Variants in SLC25A20 observed in about 807,000 individuals in gnomAD.
The protein encoded by SLC25A20 is mitochondrial carnitine/acylcarnitine carrier protein.
SLC25A20 carries 29 observed loss-of-function variants against 39.7 expected under a neutral mutation model. That is an observed-to-expected ratio of 0.73 (90% confidence interval 0.54 to 1.00). The LOEUF is 1.00. Among genes scored for constraint, SLC25A20 ranks in the 50% least tolerant of loss-of-function variants. SLC25A20 has a pLI of 0.00. For missense variants in SLC25A20, 333 were observed against 379.9 expected, an observed-to-expected ratio of 0.88 and a Z score of 1.03; for synonymous variants, 103 against 142.2, an observed-to-expected ratio of 0.72 and a Z score of 1.96.
At chr3:48,876,471 G>A (rs1413176762) in intron 4 of SLC25A20, among the ~76,000 whole-genome samples, 4 of 150,052 alleles carry the variant, frequency 2.7e-5, no homozygotes, top group Admixed American at 1.3e-4. Flanking sequence ...TGTTGCTCAG[G>A]CTGGAGTGCA....
chr3:48,892,059 G>T lies in SLC25A20; in HGVS notation c.119C>A (p.Thr40Lys), dbSNP rs1330560403. 2 of 1,613,986 alleles carry T rather than the reference G, an allele frequency of 1.2e-6. No homozygotes were observed. Among genetic ancestry groups the T allele is most frequent in the Non-Finnish European group, 1.7e-6 (2 of 1,179,904 alleles). Reference protein sequence around the residue: ...PLDTVKVRLQTQPPSLPGQPP... With the variant: ...PLDTVKVRLQKQPPSLPGQPP... The stretch of plus-strand genomic sequence containing the variant: ...TTGTCCAGGCAAACTCGGTGGCTGT[G>T]TCTGCAGTCGGACCTGAAAACAGAA... The change falls in exon 2 of 9, where the codon ACA becomes AAA. Residue 40 changes from threonine (T) to lysine (K), a missense_variant. By Grantham distance (78) the Thr-to-Lys change is moderately conservative. Transcript: ENST00000319017.
At position 48,892,188 on chromosome 3, in the gene SLC25A20, TG is replaced by T; in HGVS notation, c.106-117del. 4 of 785,634 alleles carry T rather than the reference TG, an allele frequency of 5.1e-6. No homozygotes were observed. The South Asian group carries it at 5.6e-5, about 11-fold the overall frequency. The allele number at this position is 785,634 out of a possible 1,614,324, so 48.7% of individuals were successfully genotyped here. A position where few individuals can be genotyped will look rare whatever the true frequency, so the allele number is the denominator to read the frequency against. On this transcript the variant is annotated intron_variant, in intron 1 of 8. Transcript: ENST00000319017. The stretch of plus-strand genomic sequence containing the variant: ...AAGGCTGTACCCTTGTACATGTCTT[TG>T]GCATTCACTTAACCTGCTGGATTCA...
intron 1 of SLC25A20, among the ~76,000 whole-genome samples, chr3:48,893,567 T>A (rs2083892328): frequency 6.6e-6 from 1 of 151,912 alleles, no homozygotes; most frequent in Admixed American, 6.6e-5. Context: ...AGGGTCTCAC[T>A]GTCTCGCCCA....
Position 48,890,621 on chromosome 3 carries a change from T to A in SLC25A20, c.198+1359A>T, listed in dbSNP as rs558089418. Among the ~76,000 whole-genome samples, 417 of 151,006 alleles carry A rather than the reference T, an allele frequency of 2.8e-3. 3 individuals are homozygous for A. The highest frequency in any genetic ancestry group is 9.6e-3 in the African/African-American group (395 of 41,198). On this transcript the variant is annotated intron_variant, in intron 2 of 8. Coordinates refer to ENST00000319017, the MANE Select transcript of SLC25A20 (RefSeq NM_000387.6). ...TGCCTGACCTTATCAATCACTTGGATAACTCACCCTCCTTACCCTGCCCCC... is the reference window on the plus strand; with the variant it reads ...TGCCTGACCTTATCAATCACTTGGAAAACTCACCCTCCTTACCCTGCCCCC...
At chr3:48,896,418 A>G (rs2106670188) in intron 1 of SLC25A20, among the ~76,000 whole-genome samples, 1 of 152,168 alleles carries the variant, frequency 6.6e-6, no homozygotes. Context: ...TTCATACCTC[A>G]TACCTGTCTC....
intron 1 of SLC25A20, among the ~76,000 whole-genome samples, chr3:48,894,030 A>C (rs1211381757): frequency 6.7e-6 from 1 of 149,894 alleles, no homozygotes; most frequent in Non-Finnish European, 1.5e-5. Context: ...GTGTGGTGGC[A>C]CGCACCTGTA....
chr3:48,885,750 C>T (rs918008300), intron 2 of SLC25A20, among the ~76,000 whole-genome samples: 1 of 151,938 alleles, frequency 6.6e-6, no homozygotes, highest in Non-Finnish European at 1.5e-5. Flanking sequence ...TGCAGTGAGC[C>T]GAGATTGTGC....
At chr3:48,897,900 G>T (rs1007880608) in intron 1 of SLC25A20, among the ~76,000 whole-genome samples, 1 of 152,190 alleles carries the variant, frequency 6.6e-6, no homozygotes, top group Non-Finnish European at 1.5e-5. Context: ...TAAGCCATGG[G>T]GGATGGACTT....
In SLC25A20 at chr3:48,877,170, T is replaced by A. The variant is rs565885019; in HGVS notation, c.417+2188A>T. On this transcript the variant is annotated intron_variant, in intron 4 of 8. Coordinates refer to ENST00000319017, the MANE Select transcript of SLC25A20 (RefSeq NM_000387.6). ...TGGCTCACTCCTGTAATCCCAACAC[T>A]TTGGGAGGCTGAGTCAGGCGGATCA... is the stretch of plus-strand genomic sequence containing the variant. Among the ~76,000 whole-genome samples, 30 of 151,782 alleles carry A rather than the reference T, an allele frequency of 2.0e-4. No homozygotes were observed. In the South Asian group the frequency reaches 2.7e-3, roughly 14 times the overall value.
chr3:48,867,314 C>T (rs1361012577), intron 4 of SLC25A20, among the ~76,000 whole-genome samples: 2 of 151,690 alleles, frequency 1.3e-5, no homozygotes, highest in East Asian at 2.0e-4. Context: ...GGCGAGATCT[C>T]GGTTCACCAC....
intron 1 of SLC25A20, among the ~76,000 whole-genome samples, chr3:48,896,549 C>T (rs2083910820): frequency 6.6e-6 from 1 of 151,878 alleles, no homozygotes; most frequent in Admixed American, 6.6e-5. Flanking sequence ...CTCACTCTGT[C>T]ACCCAGGCTG....
intron 3 of SLC25A20, among the ~76,000 whole-genome samples, chr3:48,880,058 G>A (rs2083786824): frequency 6.6e-6 from 1 of 152,182 alleles, no homozygotes; most frequent in African/African-American, 2.4e-5. Flanking sequence ...AAGACGCTGA[G>A]AAAGGACCAG....
chr3:48,866,938 C>T (rs2083674557), intron 4 of SLC25A20, among the ~76,000 whole-genome samples: 1 of 151,500 alleles, frequency 6.6e-6, no homozygotes. Flanking sequence ...GGATTACAGG[C>T]ACCTGCCACC....
At chr3:48,896,817 G>T (rs187160768) in intron 1 of SLC25A20, among the ~76,000 whole-genome samples, 1 of 151,844 alleles carries the variant, frequency 6.6e-6, no homozygotes, top group Admixed American at 6.6e-5. Flanking sequence ...ACCGTGACCG[G>T]CCTAGGTTGT....
chr3:48,889,349 C>G (rs1244373847), intron 2 of SLC25A20, among the ~76,000 whole-genome samples: 1 of 151,586 alleles, frequency 6.6e-6, no homozygotes, highest in African/African-American at 2.4e-5. Context: ...AAGTTCATGC[C>G]ACTGTAGTCA....
rs547915242 is a variant in SLC25A20, at chr3:48,873,180, C to T, written c.417+6178G>A. 1.7e-3 allele frequency among the ~76,000 whole-genome samples: 260 copies of T among 151,886 alleles called. 10 individuals are homozygous for T. The South Asian group carries it at 0.051, about 30-fold the overall frequency. On this transcript the variant is annotated intron_variant, in intron 4 of 8. Coordinates refer to ENST00000319017, the MANE Select transcript of SLC25A20 (RefSeq NM_000387.6). ...CAGGGGTTGTAATGGGCCAAGATCA[C>T]GCCACTGCCCTCCAGCCTGGGCAAC...
chr3:48,867,667 A>C (rs1385348157), intron 4 of SLC25A20, among the ~76,000 whole-genome samples: 2 of 151,744 alleles, frequency 1.3e-5, no homozygotes, highest in Non-Finnish European at 2.9e-5. Flanking sequence ...GAAAAAAAAA[A>C]AACAAAAACA....
In SLC25A20 at chr3:48,858,650, T is replaced by C. The variant is rs368663060; in HGVS notation, c.719-19A>G. On this transcript the variant is annotated intron_variant, in intron 7 of 8. Coordinates refer to ENST00000319017, the MANE Select transcript of SLC25A20 (RefSeq NM_000387.6). ...GGAGGTGCTGTGGGGCAGAACCCAATTTTTAAGGCTTCAGGAAGGAGAAAC... is the reference window on the plus strand; with the variant it reads ...GGAGGTGCTGTGGGGCAGAACCCAACTTTTAAGGCTTCAGGAAGGAGAAAC... The C allele has an allele frequency of 3.7e-6, 6 of 1,613,964 alleles. No individual in the cohort carries two copies.
At chr3:48,863,789 G>T (rs2083644340) in intron 4 of SLC25A20, among the ~76,000 whole-genome samples, 1 of 152,086 alleles carries the variant, frequency 6.6e-6, no homozygotes, top group East Asian at 1.9e-4. Context: ...GGCTGAGGCG[G>T]GCAGATCATG....
Sources: allele counts gnomAD v4.1 joint callset (sites outside exome capture counted in the v4.1 genomes callset), GRCh38; gene constraint gnomAD v4.1.1; transcripts MANE v1.5; gene names NCBI Gene and HGNC (gene_info 2026-07-23, HGNC 2026-07-21).